Variants in CLDN16 observed in about 807,000 individuals in gnomAD.
The protein encoded by CLDN16 is claudin 16.
Under a neutral mutation model 24.6 loss-of-function variants are expected in CLDN16, and 13 were observed. That is an observed-to-expected ratio of 0.53 (90% CI 0.34 to 0.84). The LOEUF is 0.84. CLDN16 is among the 40% of genes least tolerant of loss of function. The pLI is 0.01. For synonymous variants in CLDN16, 116 were observed against 106.7 expected, an observed-to-expected ratio of 1.09 and a Z score of -0.54; for missense variants, 298 against 292.7, an observed-to-expected ratio of 1.02 and a Z score of -0.13.
At chr3:190,305,730 T>C in the CLDN16 span, 2 of 152,180 alleles carry the variant, frequency 1.3e-5, no homozygotes, top group African/African-American at 4.8e-5. Context: ...AAAAACAATT[T>C]ATTGAAAAAG....
the CLDN16 span, among the ~76,000 whole-genome samples, chr3:190,311,362 C>G: frequency 2.7e-3 from 418 of 152,306 alleles, no homozygotes; most frequent in African/African-American, 9.4e-3. Context: ...GAATAAGACA[C>G]TATCCATGCC....
chr3:190,404,780 G>A lies in CLDN16; in HGVS notation c.236G>A (p.Arg79Gln), dbSNP rs968906940. The A allele has an allele frequency of 1.9e-6, 3 of 1,614,018 alleles. No individual in the cohort carries two copies. Among genetic ancestry groups the A allele is most frequent in the Non-Finnish European group, 2.5e-6 (3 of 1,180,012 alleles). ...AEHPLKLVVT[R>Q]ALMITADILA... The stretch of plus-strand genomic sequence containing the variant: ...CTTCCAGTGAAGCTGGTGGTAACTC[G>A]AGCGTTGATGATTACTGCAGATATT... The change falls in exon 3 of 5, where the codon CGA becomes CAA. Residue 79 changes from arginine (R) to glutamine (Q), a missense_variant. By Grantham distance (43) the Arg-to-Gln change is conservative. Transcript: ENST00000264734.
At chr3:190,364,519 C>T (rs949632910) in intron 1 of CLDN16, among the ~76,000 whole-genome samples, 3 of 151,900 alleles carry the variant, frequency 2.0e-5, no homozygotes, top group Non-Finnish European at 2.9e-5. Flanking sequence ...CAGATCCCAG[C>T]TGCATAACAA....
intron 1 of CLDN16, among the ~76,000 whole-genome samples, chr3:190,399,546 ACAATTTTTTAGCACATATG>A (rs1230280867): frequency 3.9e-5 from 6 of 152,162 alleles, no homozygotes; most frequent in Non-Finnish European, 8.8e-5. Flanking sequence ...AACTGTTTAA[ACAATTTTTTAGCACATATG>A]CATCTTCTTA....
upstream of CLDN16, chr3:190,322,521 C>T: frequency 2.9e-6 from 1 of 340,396 alleles, no homozygotes; most frequent in South Asian, 3.2e-5. Context: ...CGCCCCCTGG[C>T]GGTTTCAGGG....
At chr3:190,379,096 C>A (rs1718305163) in intron 3 of CLDN16, among the ~76,000 whole-genome samples, 1 of 151,964 alleles carries the variant, frequency 6.6e-6, no homozygotes, top group South Asian at 2.1e-4. Flanking sequence ...TGTTGTTGAG[C>A]CTCAGTTACA....
upstream of CLDN16, chr3:190,387,868 T>C (rs562894542): frequency 6.5e-4 from 356 of 550,908 alleles, no homozygotes; most frequent in Non-Finnish European, 9.7e-4. Context: ...GTCAACCGTG[T>C]AGCCTTCTTC....
At chr3:190,390,196 CCCATA>C (rs1413385275) in intron 1 of CLDN16, among the ~76,000 whole-genome samples, 1 of 152,182 alleles carries the variant, frequency 6.6e-6, no homozygotes, top group Non-Finnish European at 1.5e-5. Flanking sequence ...CTTCTTATTT[CCCATA>C]CTTAAAATGT....
the CLDN16 span, among the ~76,000 whole-genome samples, chr3:190,305,059 AGAGT>A: frequency 6.6e-6 from 1 of 152,208 alleles, no homozygotes; most frequent in African/African-American, 2.4e-5. Context: ...CTGTAGAAAC[AGAGT>A]GAGAATTCTG....
chr3:190,390,809 T>C lies in CLDN16; in HGVS notation c.114+2366T>C, dbSNP rs1483886194. On this transcript the variant is annotated intron_variant, in intron 1 of 4. Transcript: ENST00000264734. ...TTTTTATTTTTATTTTTTTATAGAT[T>C]TGGTCTCACGCTGTCACCCAGGATA... Among the ~76,000 whole-genome samples the C allele has an allele frequency of 2.6e-5, 4 of 152,110 alleles. No homozygotes were observed. The East Asian group carries it at 7.7e-4, about 29-fold the overall frequency.
intron 1 of CLDN16, among the ~76,000 whole-genome samples, chr3:190,356,871 G>A (rs989168949): frequency 2.0e-5 from 3 of 151,772 alleles, no homozygotes; most frequent in Non-Finnish European, 4.4e-5. Context: ...TAAAAGTTAT[G>A]TAATATTGCC....
At chr3:190,344,713 C>T (rs1009874370) in intron 1 of CLDN16, among the ~76,000 whole-genome samples, 15 of 150,064 alleles carry the variant, frequency 1.0e-4, no homozygotes, top group African/African-American at 3.4e-4. Flanking sequence ...AAAAAAAAAA[C>T]TAAGGATTCC....
intron 1 of CLDN16, among the ~76,000 whole-genome samples, chr3:190,335,372 C>A: frequency 6.6e-6 from 1 of 151,986 alleles, no homozygotes; most frequent in East Asian, 1.9e-4. Flanking sequence ...GAAATCACAT[C>A]TTCATCTAGC....
upstream of CLDN16, chr3:190,322,095 C>T (rs1238202388): frequency 2.5e-6 from 4 of 1,614,104 alleles, no homozygotes; most frequent in African/African-American, 4.0e-5. Context: ...ACGATGTTGT[C>T]GCCGGCATAG....
At position 190,412,005 on chromosome 3, in the gene CLDN16, T is replaced by C. The variant is rs1337294777; in HGVS notation, c.*1969T>C. 6.6e-6 allele frequency: 1 copy of C among 152,154 alleles called. No individual in the cohort carries two copies. The highest frequency in any genetic ancestry group is 1.5e-5 in the Non-Finnish European group (1 of 67,972). 9.4% of individuals were successfully genotyped at this position (152,154 alleles called of 1,614,324 possible). A position where few individuals can be genotyped will look rare whatever the true frequency, so the allele number is the denominator to read the frequency against. ...AGGCAGGACAAAAATAATTAGTTAATTAGATTTGAAAAATGTAATTTTTCC... is the reference window on the plus strand; with the variant it reads ...AGGCAGGACAAAAATAATTAGTTAACTAGATTTGAAAAATGTAATTTTTCC... On this transcript the variant is annotated 3_prime_UTR_variant, in exon 5 of 5. Transcript: ENST00000264734.
chr3:190,337,990 T>A (rs1221189578), intron 1 of CLDN16, among the ~76,000 whole-genome samples: 4 of 152,176 alleles, frequency 2.6e-5, no homozygotes, highest in South Asian at 4.1e-4. Flanking sequence ...TTGAAGATGA[T>A]GCCTGTAGAT....
Position 190,404,742 on chromosome 3 carries a change from C to A in CLDN16, c.218-20C>A. 1 of 1,613,620 alleles carries A rather than the reference C, an allele frequency of 6.2e-7. No homozygotes were observed. The highest frequency in any genetic ancestry group is 8.5e-7 in the Non-Finnish European group (1 of 1,179,588). On this transcript the variant is annotated intron_variant, in intron 2 of 4. Transcript: ENST00000264734. ...TTCCTTCTTCTGACTCTGCTTTAAC[C>A]ATATGCCCTGGTCTTCCAGTGAAGC...
intron 1 of CLDN16, among the ~76,000 whole-genome samples, chr3:190,327,229 T>A (rs1717085160): frequency 6.6e-6 from 1 of 152,194 alleles, no homozygotes; most frequent in South Asian, 2.1e-4. Flanking sequence ...GAATTCCTGC[T>A]CTTCTGGGAA....
rs10563626 is a variant in CLDN16, at chr3:190,350,344, T to TTATATATATATATATATATATATA, written n.122-20527_122-20526insTATATATATATATATATATATATA. Among the ~76,000 whole-genome samples, 933 of 141,676 alleles carry TTATATATATATATATATATATATA rather than the reference T, an allele frequency of 6.6e-3. 8 individuals are homozygous for TTATATATATATATATATATATATA. The highest frequency in any genetic ancestry group is 8.9e-3 in the Non-Finnish European group (574 of 64,466). The allele number at this position is 141,676 out of a possible 152,430, so 92.9% of individuals were successfully genotyped here. A position where few individuals can be genotyped will look rare whatever the true frequency, so the allele number is the denominator to read the frequency against. On this transcript the variant is annotated intron_variant and non_coding_transcript_variant, in intron 1 of 4. Transcript: ENST00000468220. The stretch of plus-strand genomic sequence containing the variant: ...AGTTTAAGAATCATAGTTCATAATG[T>TTATATATATATATATATATATATA]TATATATATATATATATATATACTT...
Sources: allele counts gnomAD v4.1 joint callset (sites outside exome capture counted in the v4.1 genomes callset), GRCh38; gene constraint gnomAD v4.1.1; transcripts MANE v1.5; gene names NCBI Gene and HGNC (gene_info 2026-07-23, HGNC 2026-07-21).